Variants in RAD51C observed in about 807,000 individuals in gnomAD.
RAD51C encodes the protein DNA repair protein RAD51 homolog 3.
In RAD51C, 42 loss-of-function variants were observed where a neutral mutation model predicts 45.0. The ratio of observed to expected loss-of-function variants is 0.93; its 90% CI spans 0.73 to 1.21. The LOEUF is 1.21. RAD51C is among the 50% of genes most tolerant of loss of function. RAD51C has a pLI of 0.00. For synonymous variants in RAD51C, 172 were observed against 159.8 expected (o/e 1.08, Z -0.58); for missense variants, 474 against 452.2 (o/e 1.05, Z -0.44).
At chr17:58,696,207 C>A (rs899138369) in intron 2 of RAD51C, among the ~76,000 whole-genome samples, 5 of 152,108 alleles carry the variant, frequency 3.3e-5, no homozygotes, top group African/African-American at 1.2e-4. Flanking sequence ...CCAAGGCAGG[C>A]AGATCATGAG....
At chr17:58,722,659 C>T (rs1292831328) in intron 6 of RAD51C, among the ~76,000 whole-genome samples, 3 of 152,114 alleles carry the variant, frequency 2.0e-5, no homozygotes, top group African/African-American at 7.2e-5. Flanking sequence ...ATTTCAGAGG[C>T]TCCCTAATCC....
chr17:58,732,639 G>A (rs961900888), intron 8 of RAD51C, 95 bp downstream of exon 8: 3 of 1,200,712 alleles, frequency 2.5e-6, no homozygotes, highest in African/African-American at 3.0e-5. Context: ...ACTTCTGTAG[G>A]CAGCAAGCAT....
chr17:58,714,501 C>G (rs2048664181), intron 5 of RAD51C, among the ~76,000 whole-genome samples: 1 of 152,140 alleles, frequency 6.6e-6, no homozygotes, highest in South Asian at 2.1e-4. Context: ...CTCTGTCGCC[C>G]AGGTTGGAGT....
Position 58,734,134 on chromosome 17 carries a change from A to T in RAD51C, c.1043A>T (p.Asp348Val), listed in dbSNP as rs111614311. 3.1e-6 allele frequency: 5 copies of T among 1,613,276 alleles called. No homozygotes were observed. The highest frequency in any genetic ancestry group is 4.2e-6 in the Non-Finnish European group (5 of 1,179,622). Residue 348 changes from aspartate to valine, a missense_variant, in exon 9 of 9, where the codon GAT becomes GTT. Asp to Val is a radical substitution (Grantham distance 152, BLOSUM62 -3). Transcript: ENST00000337432. The part of the protein sequence containing the change: ...LFQIKPQGFR[D>V]TVVTSACSLQ... ...ATCTTTCAGCCTCAGGGATTTAGAG[A>T]TACTGTTGTTACTTCTGCATGTTCA...
At chr17:58,698,722 C>T (rs1005068969) in intron 3 of RAD51C, among the ~76,000 whole-genome samples, 2 of 151,340 alleles carry the variant, frequency 1.3e-5, no homozygotes, top group African/African-American at 4.8e-5. Flanking sequence ...GGCGGATCAC[C>T]TGAAGTCAGG....
At chr17:58,711,765 C>T (rs2048564744) in intron 5 of RAD51C, among the ~76,000 whole-genome samples, 1 of 152,048 alleles carries the variant, frequency 6.6e-6, no homozygotes, top group African/African-American at 2.4e-5. Context: ...AGCCACTGTG[C>T]CCAGACTTGG....
At chr17:58,721,569 G>C (rs2048918597) in intron 6 of RAD51C, among the ~76,000 whole-genome samples, 1 of 151,848 alleles carries the variant, frequency 6.6e-6, no homozygotes, top group African/African-American at 2.4e-5. Context: ...AGAGCAGCCT[G>C]ACCAACATGG....
chr17:58,726,162 A>C (rs1218831855), intron 7 of RAD51C, among the ~76,000 whole-genome samples: 1 of 151,434 alleles, frequency 6.6e-6, no homozygotes, highest in Non-Finnish European at 1.5e-5. Context: ...CATTTTAGTG[A>C]GTGCTTGCTT....
chr17:58,710,048 A>C, intron 5 of RAD51C, 58 bp downstream of exon 5: 1 of 1,521,068 alleles, frequency 6.6e-7, no homozygotes, highest in East Asian at 2.3e-5. Flanking sequence ...ATAAAATGTT[A>C]ATGTCTAGAA....
At chr17:58,703,137 C>A (rs2143795267) in intron 3 of RAD51C, 59 bp from the exon 4 acceptor site, 2 of 1,555,656 alleles carry the variant, frequency 1.3e-6, no homozygotes, top group Non-Finnish European at 1.8e-6. Flanking sequence ...CATTGTTTTT[C>A]TACAATTGCC....
chr17:58,731,498 A>T lies in RAD51C; in HGVS notation c.966-986A>T, dbSNP rs28607210. Among the ~76,000 whole-genome samples the T allele has an allele frequency of 9.2e-4, 140 of 152,290 alleles. 1 individual carries two copies. The highest frequency in any genetic ancestry group is 3.3e-3 in the African/African-American group (137 of 41,562). ...GGTCTCGAACTCCCGACCTCAGGTG[A>T]TCTGCCTGCCTTGGCCTCCCAAAGT... On this transcript the variant is annotated intron_variant, in intron 7 of 8. Coordinates refer to ENST00000337432, the MANE Select transcript of RAD51C (RefSeq NM_058216.3).
intron 2 of RAD51C, among the ~76,000 whole-genome samples, chr17:58,695,944 A>G (rs1453238683): frequency 6.6e-6 from 1 of 150,608 alleles, no homozygotes; most frequent in East Asian, 2.0e-4. Context: ...GTTCACGCCT[A>G]TAGTCTCAGC....
intron 5 of RAD51C, among the ~76,000 whole-genome samples, chr17:58,711,074 A>T (rs1598486694): frequency 6.6e-6 from 1 of 152,362 alleles, no homozygotes; most frequent in African/African-American, 2.4e-5. Flanking sequence ...GCTGAAAAGC[A>T]TAGTGCCCTG....
intron 3 of RAD51C, among the ~76,000 whole-genome samples, chr17:58,700,987 C>T (rs928020495): frequency 6.6e-6 from 1 of 152,078 alleles, no homozygotes; most frequent in Non-Finnish European, 1.5e-5. Context: ...GCCTTGACCT[C>T]CCTGGGCTCA....
At position 58,692,863 on chromosome 17, in the gene RAD51C, G is replaced by A. The variant is rs566163602; in HGVS notation, c.145+75G>A. 159 of 1,606,016 alleles carry A rather than the reference G, an allele frequency of 9.9e-5. No individual in the cohort carries two copies. In the East Asian group the frequency reaches 2.7e-3, roughly 28 times the overall value. ...GCCTCAGTCTTCGTTCTCTCGCCTC[G>A]GCCTTCAGCCCAGTCTCCGTTAGAT... On this transcript the variant is annotated intron_variant, in intron 1 of 8. Coordinates refer to ENST00000337432, the MANE Select transcript of RAD51C (RefSeq NM_058216.3).
chr17:58,723,934 T>C (rs995030577), intron 6 of RAD51C, 106 bp from the exon 7 acceptor site: 8 of 1,038,112 alleles, frequency 7.7e-6, no homozygotes, highest in Non-Finnish European at 1.2e-5. Flanking sequence ...TATACTTTCG[T>C]TATGTTAAAT....
chr17:58,709,092 C>CTT (rs34570887), intron 4 of RAD51C, among the ~76,000 whole-genome samples: 26 of 117,012 alleles, frequency 2.2e-4, no homozygotes, highest in Non-Finnish European at 3.4e-4. Context: ...TTTTGAATTA[C>CTT]TTTTTTTTTT....
At chr17:58,692,994 A>G (rs1598450631) in intron 1 of RAD51C, 1 of 697,584 alleles carries the variant, frequency 1.4e-6, no homozygotes, top group African/African-American at 1.8e-5. Flanking sequence ...ACATTTACTA[A>G]TTGCTTTTCC....
Position 58,724,090 on chromosome 17 carries a change from C to T in RAD51C, c.955C>T (p.Arg319Ter), listed in dbSNP as rs587781287. The T allele has an allele frequency of 7.4e-6, 12 of 1,611,982 alleles. No individual in the cohort carries two copies. The highest frequency in any genetic ancestry group is 4.0e-5 in the African/African-American group (3 of 74,812). The change falls in exon 7 of 9, where the codon CGA becomes TGA. Residue 319 changes from arginine (R) to a stop codon, truncating the protein, a stop_gained. Transcript: ENST00000337432. LOFTEE classifies it high-confidence loss of function. ...AATACGGCTAATCTTTCATTGGGAC[C>T]GAAAGCAAAGGTCAGTACAGAAACA... is the stretch of plus-strand genomic sequence containing the variant. ...ATIRLIFHWDRKQRLATLYKS... is the reference protein window; with the variant it reads ...ATIRLIFHWD
Sources: allele counts gnomAD v4.1 joint callset (sites outside exome capture counted in the v4.1 genomes callset), GRCh38; gene constraint gnomAD v4.1.1; transcripts MANE v1.5; gene names NCBI Gene and HGNC (gene_info 2026-07-23, HGNC 2026-07-21).